DTNB: variants seen among roughly 807,000 people sequenced by gnomAD.
DTNB encodes the protein DTN-B.
DTNB carries 63 observed loss-of-function variants against 90.7 expected under a neutral mutation model. That is an observed-to-expected ratio of 0.69 (90% CI 0.57 to 0.86). The LOEUF is 0.86. Among genes scored for constraint, DTNB ranks in the 40% least tolerant of loss-of-function variants. The pLI is 0.00. For synonymous variants in DTNB, 277 were observed against 286.7 expected (o/e 0.97, Z 0.34); for missense variants, 744 against 807.1 (o/e 0.92, Z 0.95).
intron 4 of DTNB, among the ~76,000 whole-genome samples, chr2:25,624,335 G>A (rs1315854176): frequency 6.6e-6 from 1 of 152,200 alleles, no homozygotes. Flanking sequence ...CTGAGGCTGT[G>A]TCATGGGTGT....
chr2:25,402,617 A>C (rs1001543432), intron 16 of DTNB, among the ~76,000 whole-genome samples: 5 of 152,146 alleles, frequency 3.3e-5, no homozygotes, highest in Admixed American at 3.3e-4. Context: ...AGGCCACCAG[A>C]AAGTCTGCCA....
intron 1 of DTNB, among the ~76,000 whole-genome samples, chr2:25,659,038 C>G (rs1452045152): frequency 6.6e-6 from 1 of 151,814 alleles, no homozygotes; most frequent in Non-Finnish European, 1.5e-5. Flanking sequence ...TTCGGGACTA[C>G]AGGAGTGAGC....
chr2:25,552,854 T>A lies in DTNB; in HGVS notation c.877-21257A>T, dbSNP rs1291979612. 1.1e-3 allele frequency among the ~76,000 whole-genome samples: 138 copies of A among 128,846 alleles called. 1 individual carries two copies. Among genetic ancestry groups the A allele is most frequent in the African/African-American group, 3.8e-3 (131 of 34,098 alleles). The allele number at this position is 128,846 out of a possible 152,430, so 84.5% of individuals were successfully genotyped here. ...TTTCTCTTTTTGATTTTTTTTTTTT[T>A]TTTTTTTTTTTTTTTTTGAGACGGA... On this transcript the variant is annotated intron_variant, in intron 8 of 20. Coordinates refer to ENST00000406818, the MANE Select transcript of DTNB (RefSeq NM_021907.5).
At chr2:25,668,187 C>T (rs759790679) in intron 1 of DTNB, among the ~76,000 whole-genome samples, 24 of 151,980 alleles carry the variant, frequency 1.6e-4, no homozygotes, top group Non-Finnish European at 3.1e-4. Context: ...CGCAGTGAGC[C>T]GAGATCGCGC....
intron 14 of DTNB, among the ~76,000 whole-genome samples, chr2:25,429,124 G>A (rs2052966734): frequency 6.6e-6 from 1 of 152,152 alleles, no homozygotes; most frequent in Admixed American, 6.5e-5. Flanking sequence ...CACGGCAATT[G>A]TAACATACAC....
intron 8 of DTNB, among the ~76,000 whole-genome samples, chr2:25,564,284 T>C (rs972791127): frequency 1.3e-5 from 2 of 152,244 alleles, no homozygotes; most frequent in African/African-American, 2.4e-5. Context: ...GAGACTGCAC[T>C]GAATCTGTAG....
intron 9 of DTNB, among the ~76,000 whole-genome samples, chr2:25,490,925 G>A (rs2067261959): frequency 6.6e-6 from 1 of 151,890 alleles, no homozygotes; most frequent in African/African-American, 2.4e-5. Flanking sequence ...GAGGCAATAT[G>A]GTCAAATGTT....
intron 3 of DTNB, among the ~76,000 whole-genome samples, chr2:25,635,413 C>A (rs57342541): frequency 0.16 from 23,968 of 151,256 alleles, 2,305 homozygotes; most frequent in East Asian, 0.54. Context: ...AGCGATAGAG[C>A]GACTCTGATT....
chr2:25,496,618 C>A (rs560382949), intron 9 of DTNB, among the ~76,000 whole-genome samples: 1 of 152,016 alleles, frequency 6.6e-6, no homozygotes, highest in Non-Finnish European at 1.5e-5. Flanking sequence ...CTGAGGCAGG[C>A]GGATCACCTG....
Position 25,639,046 on chromosome 2 carries a change from C to A in DTNB, c.116G>T (p.Cys39Phe). 5 of 1,593,382 alleles carry A rather than the reference C, an allele frequency of 3.1e-6. No homozygotes were observed. The highest frequency in any genetic ancestry group is 4.3e-6 in the Non-Finnish European group (5 of 1,167,456). ...VIRLSTYRTA[C>F]KLRFVQKRCN... Reference sequence around the variant, plus strand: ...TCGTTTTTGTACAAATCGTAATTTGCAGGCTGTTCTGTAAGTTGATAGTCG... The same window carrying A: ...TCGTTTTTGTACAAATCGTAATTTGAAGGCTGTTCTGTAAGTTGATAGTCG... The change falls in exon 3 of 21, where the codon TGC becomes TTC. Residue 39 changes from cysteine to phenylalanine, a missense_variant. Physicochemically the swap from Cys to Phe is radical, Grantham distance 205 (BLOSUM62 -2). Transcript: ENST00000406818.
At chr2:25,645,349 C>G (rs2079189182) in intron 2 of DTNB, among the ~76,000 whole-genome samples, 1 of 136,920 alleles carries the variant, frequency 7.3e-6, no homozygotes, top group Admixed American at 7.5e-5. Flanking sequence ...CAGAGCAAGA[C>G]TCCATCACAA....
chr2:25,651,724 A>G (rs1258417213), intron 2 of DTNB, among the ~76,000 whole-genome samples: 1 of 152,130 alleles, frequency 6.6e-6, no homozygotes, highest in Non-Finnish European at 1.5e-5. Flanking sequence ...TGAGACTTTT[A>G]CCCACTGATT....
intron 9 of DTNB, among the ~76,000 whole-genome samples, chr2:25,485,779 T>G (rs1244704055): frequency 6.6e-6 from 1 of 151,732 alleles, no homozygotes; most frequent in Non-Finnish European, 1.5e-5. Context: ...AGGCATAACA[T>G]GGCCTGGGGA....
At chr2:25,444,323 G>A (rs954954701) in intron 12 of DTNB, among the ~76,000 whole-genome samples, 1 of 152,078 alleles carries the variant, frequency 6.6e-6, no homozygotes, top group African/African-American at 2.4e-5. Flanking sequence ...GACGTCAGGA[G>A]TTCAAGACCA....
chr2:25,409,064 T>C (rs1409072011), intron 16 of DTNB, among the ~76,000 whole-genome samples: 1 of 152,108 alleles, frequency 6.6e-6, no homozygotes, highest in Non-Finnish European at 1.5e-5. Flanking sequence ...GCAGCTGATG[T>C]TTTCTTAGGA....
chr2:25,399,982 G>A (rs745591934), intron 16 of DTNB, among the ~76,000 whole-genome samples: 2 of 152,148 alleles, frequency 1.3e-5, no homozygotes, highest in South Asian at 2.1e-4. Context: ...TCTCGGTCAC[G>A]TCATGGCATA....
intron 4 of DTNB, among the ~76,000 whole-genome samples, chr2:25,609,342 T>C (rs901805162): frequency 8.5e-5 from 13 of 152,258 alleles, no homozygotes; most frequent in African/African-American, 2.6e-4. Flanking sequence ...CTCACGCCTG[T>C]AATCCCAGCA....
In DTNB at chr2:25,560,476, A is replaced by T. The variant is rs1473436066; in HGVS notation, c.876+16362T>A. Reference sequence around the variant, plus strand: ...AAGGCTGACCCAGCCCTGAATAAGAAAAAAGTCCTCTTGTCTTCAAACGTC... The same window carrying T: ...AAGGCTGACCCAGCCCTGAATAAGATAAAAGTCCTCTTGTCTTCAAACGTC... On this transcript the variant is annotated intron_variant, in intron 8 of 20. Coordinates refer to ENST00000406818, the MANE Select transcript of DTNB (RefSeq NM_021907.5). 3.9e-5 allele frequency among the ~76,000 whole-genome samples: 6 copies of T among 152,214 alleles called. No homozygotes were observed. In the East Asian group the frequency reaches 1.2e-3, roughly 29 times the overall value.
chr2:25,557,274 T>G (rs2057520822), intron 8 of DTNB, among the ~76,000 whole-genome samples: 1 of 152,204 alleles, frequency 6.6e-6, no homozygotes, highest in East Asian at 1.9e-4. Context: ...GGTCTTCCCA[T>G]GTGCTTCTGT....
Sources: gnomAD v4.1 joint callset for allele counts (sites outside exome capture counted in the v4.1 genomes callset) on GRCh38, gnomAD v4.1.1 for gene constraint, MANE v1.5 for transcripts, NCBI Gene and HGNC (gene_info 2026-07-23, HGNC 2026-07-21) for gene names.